Variants in GRID2 observed in about 807,000 individuals in gnomAD.
GRID2 encodes the protein glutamate ionotropic receptor delta type subunit 2.
GRID2 carries 33 observed loss-of-function variants against 114.8 expected under a neutral mutation model. That is an observed-to-expected ratio of 0.29 (90% CI 0.22 to 0.38). GRID2 has a LOEUF of 0.38. Ranked by LOEUF, GRID2 falls within the 10% of genes least tolerant of loss-of-function variation. The probability of loss-of-function intolerance (pLI) is 1.00; values close to 1 mark genes in which losing one functional copy is unlikely to be tolerated. For missense variants in GRID2, 1,184 were observed against 1,257.7 expected, an observed-to-expected ratio of 0.94 and a Z score of 0.89; for synonymous variants, 505 against 449.9, an observed-to-expected ratio of 1.12 and a Z score of -1.55.
intron 1 of GRID2, among the ~76,000 whole-genome samples, chr4:92,521,354 A>T (rs1034932891): frequency 6.6e-6 from 1 of 151,970 alleles, no homozygotes; most frequent in Admixed American, 6.6e-5. Flanking sequence ...ACTAAAAATC[A>T]TAAAAATATA....
chr4:93,762,457 T>G (rs1216635088), intron 14 of GRID2, among the ~76,000 whole-genome samples: 1 of 152,188 alleles, frequency 6.6e-6, no homozygotes, highest in Non-Finnish European at 1.5e-5. Flanking sequence ...ATCATAGAGT[T>G]TCTGGCGTTA....
intron 2 of GRID2, among the ~76,000 whole-genome samples, chr4:92,775,503 A>G (rs890959056): frequency 6.6e-6 from 1 of 152,192 alleles, no homozygotes; most frequent in Non-Finnish European, 1.5e-5. Flanking sequence ...CTGATATAGC[A>G]AACTAAAAAT....
chr4:93,697,413 A>G (rs929747547), intron 14 of GRID2, among the ~76,000 whole-genome samples: 1 of 152,114 alleles, frequency 6.6e-6, no homozygotes, highest in African/African-American at 2.4e-5. Flanking sequence ...GTTATAATCT[A>G]GTTCCAAAAG....
chr4:92,876,259 C>T (rs1057382674), intron 2 of GRID2, among the ~76,000 whole-genome samples: 2 of 150,354 alleles, frequency 1.3e-5, no homozygotes, highest in African/African-American at 4.9e-5. Context: ...ATTAAAAAAA[C>T]CCAATTATCT....
At chr4:92,622,995 T>C (rs1234382647) in intron 2 of GRID2, among the ~76,000 whole-genome samples, 2 of 151,710 alleles carry the variant, frequency 1.3e-5, no homozygotes, top group African/African-American at 4.8e-5. Context: ...TTTGTTAGTT[T>C]AAATAAGGTT....
At chr4:92,442,660 TAATAA>T (rs747532066) in intron 1 of GRID2, among the ~76,000 whole-genome samples, 2 of 152,036 alleles carry the variant, frequency 1.3e-5, no homozygotes, top group Admixed American at 6.6e-5. Context: ...GCAGATTGGG[TAATAA>T]AATGTATATT....
At chr4:93,527,763 G>A (rs561288476) in intron 13 of GRID2, among the ~76,000 whole-genome samples, 3 of 152,036 alleles carry the variant, frequency 2.0e-5, no homozygotes, top group South Asian at 4.1e-4. Flanking sequence ...CAGTTTAGTA[G>A]CATTAAATAC....
intron 2 of GRID2, among the ~76,000 whole-genome samples, chr4:92,921,452 G>GCT (rs528482352): frequency 0.019 from 2,870 of 151,936 alleles, 37 homozygotes; most frequent in East Asian, 0.054. Context: ...CAGTTTTTCT[G>GCT]CTGTTTTTTC....
At chr4:92,798,851 C>G in intron 2 of GRID2, among the ~76,000 whole-genome samples, 1 of 152,044 alleles carries the variant, frequency 6.6e-6, no homozygotes, top group Middle Eastern at 3.4e-3. Context: ...ACTTTGTATG[C>G]TACTTGCATG....
chr4:93,362,706 T>C (rs1761988071), intron 8 of GRID2, among the ~76,000 whole-genome samples: 1 of 151,902 alleles, frequency 6.6e-6, no homozygotes, highest in Non-Finnish European at 1.5e-5. Flanking sequence ...CTGAGAGAAG[T>C]TTTCTCTGAT....
At chr4:92,318,290 G>GTGTATATATA (rs369526929) in intron 1 of GRID2, among the ~76,000 whole-genome samples, 130 of 104,098 alleles carry the variant, frequency 1.2e-3, no homozygotes, top group Non-Finnish European at 1.8e-3. Context: ...ATATATGTGT[G>GTGTATATATA]TATATATATA....
chr4:93,006,108 C>T (rs1721494682), intron 2 of GRID2, among the ~76,000 whole-genome samples: 1 of 152,056 alleles, frequency 6.6e-6, no homozygotes, highest in Non-Finnish European at 1.5e-5. Flanking sequence ...TCCACTCTAT[C>T]CAAGTCTACA....
At chr4:92,936,537 A>G (rs989615770) in intron 2 of GRID2, among the ~76,000 whole-genome samples, 1 of 146,272 alleles carries the variant, frequency 6.8e-6, no homozygotes, top group Non-Finnish European at 1.5e-5. Context: ...CTAGTATTTA[A>G]TCATGTAATA....
Position 93,163,399 on chromosome 4 carries a change from T to TATAC in GRID2, c.736-44004_736-44003insTACA. On this transcript the variant is annotated intron_variant, in intron 4 of 15. Transcript: ENST00000282020. The stretch of plus-strand genomic sequence containing the variant: ...ATATATATATATATATATATATATA[T>TATAC]ACACTATATATATACATACATGTAT... Among the ~76,000 whole-genome samples, 193 of 48,958 alleles carry TATAC rather than the reference T, an allele frequency of 3.9e-3. 2 individuals are homozygous for TATAC. Among genetic ancestry groups the TATAC allele is most frequent in the Non-Finnish European group, 5.3e-3 (134 of 25,102 alleles). 32.1% of individuals were successfully genotyped at this position (48,958 alleles called of 152,430 possible). A position where few individuals can be genotyped will look rare whatever the true frequency, so the allele number is the denominator to read the frequency against.
chr4:92,593,846 T>C (rs1367538954), intron 2 of GRID2, among the ~76,000 whole-genome samples: 3 of 151,090 alleles, frequency 2.0e-5, no homozygotes, highest in African/African-American at 7.3e-5. Context: ...CACGAGGTTT[T>C]CTTGACAATT....
intron 14 of GRID2, among the ~76,000 whole-genome samples, chr4:93,643,268 G>T (rs1420194122): frequency 9.6e-5 from 3 of 31,170 alleles, no homozygotes; most frequent in East Asian, 1.1e-3. Flanking sequence ...ATGTCCTCCC[G>T]TAGCTCAGAG....
intron 8 of GRID2, among the ~76,000 whole-genome samples, chr4:93,252,349 G>A (rs1351752033): frequency 2.9e-5 from 1 of 34,208 alleles, no homozygotes. Flanking sequence ...TTTTTTTTTG[G>A]TTAGGTTTGT....
intron 3 of GRID2, among the ~76,000 whole-genome samples, chr4:93,090,796 T>A (rs572176044): frequency 6.6e-6 from 1 of 152,112 alleles, no homozygotes; most frequent in Non-Finnish European, 1.5e-5. Context: ...TTTGCCTGAG[T>A]TGGTGGAGGG....
At chr4:92,629,929 TTATA>T (rs1416687753) in intron 2 of GRID2, among the ~76,000 whole-genome samples, 1 of 147,838 alleles carries the variant, frequency 6.8e-6, no homozygotes, top group Non-Finnish European at 1.5e-5. Flanking sequence ...ATATTATAAA[TTATA>T]TATTTTATAT....
Sources: gnomAD v4.1 joint callset for allele counts (sites outside exome capture counted in the v4.1 genomes callset) on GRCh38, gnomAD v4.1.1 for gene constraint, MANE v1.5 for transcripts, NCBI Gene and HGNC (gene_info 2026-07-23, HGNC 2026-07-21) for gene names.